RCHY1: variants seen among roughly 807,000 people sequenced by gnomAD.
RCHY1 encodes the protein ring finger and CHY zinc finger domain containing 1.
Under a neutral mutation model 41.6 loss-of-function variants are expected in RCHY1, and 21 were observed. The ratio of observed to expected loss-of-function variants is 0.51; its 90% CI spans 0.36 to 0.73. The LOEUF (loss-of-function observed/expected upper bound fraction) is 0.73, where lower values mean the gene tolerates loss of function less well. Among genes scored for constraint, RCHY1 ranks in the 30% least tolerant of loss-of-function variants. The probability of loss-of-function intolerance (pLI) is 0.00; values close to 1 mark genes in which losing one functional copy is unlikely to be tolerated. For missense variants in RCHY1, 265 were observed against 325.3 expected (o/e 0.81, Z 1.43); for synonymous variants, 79 against 102.9 (o/e 0.77, Z 1.41).
intron 3 of RCHY1, among the ~76,000 whole-genome samples, chr4:75,497,986 T>C (rs1178602143): frequency 6.8e-6 from 1 of 146,300 alleles, no homozygotes; most frequent in Admixed American, 6.8e-5. Context: ...AACTCAAAAT[T>C]GGTAAAAGGA....
rs371992356 is a variant in RCHY1, at chr4:75,514,255, C to T, written c.32G>A (p.Ser11Asn). 1.6e-5 allele frequency: 26 copies of T among 1,612,782 alleles called. No homozygotes were observed. Among genetic ancestry groups the T allele is most frequent in the African/African-American group, 2.7e-5 (2 of 74,912 alleles). Residue 11 changes from serine (S) to asparagine (N), a missense_variant, in exon 1 of 9, where the codon AGC becomes AAC. Coordinates refer to ENST00000324439, the MANE Select transcript of RCHY1 (RefSeq NM_015436.4). ...GCCCCGCTGACCTCGCTCTTGACCG[C>T]TGGCGCCATCTTCCCGGGCCGTCGC... MAATAREDGA[S>N]GQERGQRGCE...
At chr4:75,497,274 C>A (rs147566005) in intron 3 of RCHY1, among the ~76,000 whole-genome samples, 59 of 152,238 alleles carry the variant, frequency 3.9e-4, no homozygotes, top group Non-Finnish European at 5.1e-4. Context: ...TTAAGATCGT[C>A]CTAAAAGGCT....
chr4:75,505,005 G>A (rs564798695), intron 3 of RCHY1, among the ~76,000 whole-genome samples: 207 of 152,262 alleles, frequency 1.4e-3, no homozygotes, highest in African/African-American at 4.5e-3. Flanking sequence ...TGTATATACG[G>A]CAGCGGTCAC....
chr4:75,492,564 T>C (rs922295771), intron 4 of RCHY1, among the ~76,000 whole-genome samples: 3 of 151,906 alleles, frequency 2.0e-5, no homozygotes, highest in African/African-American at 7.2e-5. Context: ...TGACAAGATG[T>C]AATGTCTGAT....
intron 3 of RCHY1, among the ~76,000 whole-genome samples, chr4:75,498,423 A>G (rs1723423091): frequency 2.0e-5 from 3 of 151,426 alleles, no homozygotes. Context: ...GAAAGAAAAG[A>G]AATCCTAAAA....
In RCHY1 at chr4:75,495,425, G is replaced by A. The variant is rs1056109511; in HGVS notation, c.327-1246C>T. Among the ~76,000 whole-genome samples the A allele has an allele frequency of 2.0e-5, 3 of 151,912 alleles. No homozygotes were observed. The East Asian group carries it at 5.8e-4, about 29-fold the overall frequency. On this transcript the variant is annotated intron_variant, in intron 3 of 8. Coordinates refer to ENST00000324439, the MANE Select transcript of RCHY1 (RefSeq NM_015436.4). ...TCTCCACTTCTTCTACAATGATAGG[G>A]TATTTAGCTAGGCACTGAGCTATTC...
At position 75,482,598 on chromosome 4, in the gene RCHY1, A is replaced by C; in HGVS notation, c.726T>G (p.Ile242Met). The C allele has an allele frequency of 6.2e-7, 1 of 1,612,792 alleles. No individual in the cohort carries two copies. ...CTTGAGCAGTATTATAGGATTCACAAATCTTACATTTCATGCCTAATATAT... is the reference window on the plus strand; with the variant it reads ...CTTGAGCAGTATTATAGGATTCACACATCTTACATTTCATGCCTAATATAT... ...QFHILGMKCK[I>M]CESYNTAQAG... The change falls in exon 9 of 9, where the codon ATT (isoleucine) becomes ATG (methionine). Residue 242 changes from isoleucine to methionine, a missense_variant. By Grantham distance (10) the Ile-to-Met change is conservative. Transcript: ENST00000324439.
rs991661638 is a variant in RCHY1 at position 75,481,074 on chromosome 4, A to G, written c.*1464T>C. The G allele has an allele frequency of 2.6e-5, 4 of 152,298 alleles. No homozygotes were observed. Among genetic ancestry groups the G allele is most frequent in the African/African-American group, 9.6e-5 (4 of 41,464 alleles). The allele number at this position is 152,298 out of a possible 1,614,324, so 9.4% of individuals were successfully genotyped here. ...CCCAGGAACATCCTTTCCCAAATGA[A>G]GATCAGCACTGCTGCTCTGGCCAGG... On this transcript the variant is annotated 3_prime_UTR_variant, in exon 9 of 9. Coordinates refer to ENST00000324439, the MANE Select transcript of RCHY1 (RefSeq NM_015436.4).
At chr4:75,499,926 T>C (rs1355375609) in intron 3 of RCHY1, among the ~76,000 whole-genome samples, 1 of 152,310 alleles carries the variant, frequency 6.6e-6, no homozygotes, top group Non-Finnish European at 1.5e-5. Flanking sequence ...AGAGAATTAA[T>C]TCAAATGTTT....
At chr4:75,508,245 T>C (rs1463439587) in intron 3 of RCHY1, among the ~76,000 whole-genome samples, 2 of 152,250 alleles carry the variant, frequency 1.3e-5, no homozygotes, top group African/African-American at 2.4e-5. Flanking sequence ...CGGTGGCTTA[T>C]TCACTGTACT....
chr4:75,508,128 T>C (rs1320499306), intron 3 of RCHY1, among the ~76,000 whole-genome samples: 1 of 151,998 alleles, frequency 6.6e-6, no homozygotes, highest in Non-Finnish European at 1.5e-5. Context: ...AAGAAAGTGA[T>C]TTAAAATATT....
chr4:75,487,592 A>AATATATATTCATATATATTCATT (rs1722210231), intron 8 of RCHY1, among the ~76,000 whole-genome samples: 4 of 55,560 alleles, frequency 7.2e-5, no homozygotes, highest in Non-Finnish European at 1.2e-4. Context: ...ATATATTCAT[A>AATATATATTCATATATATTCATT]ATATATATTC....
chr4:75,483,764 T>C (rs886911692), intron 8 of RCHY1, among the ~76,000 whole-genome samples: 3 of 152,138 alleles, frequency 2.0e-5, no homozygotes, highest in Non-Finnish European at 2.9e-5. Flanking sequence ...AAACAAAAAA[T>C]AATTTTCATT....
intron 8 of RCHY1, among the ~76,000 whole-genome samples, chr4:75,485,547 C>G (rs1444063320): frequency 6.6e-6 from 1 of 152,110 alleles, no homozygotes; most frequent in Non-Finnish European, 1.5e-5. Context: ...TTACTCACAC[C>G]ATTTTTTCCT....
intron 8 of RCHY1, among the ~76,000 whole-genome samples, chr4:75,486,041 A>G (rs529739452): frequency 2.0e-4 from 30 of 152,136 alleles, no homozygotes; most frequent in Non-Finnish European, 3.5e-4. Flanking sequence ...TGTAGCTACA[A>G]AGCAGAATCA....
In RCHY1 at chr4:75,480,158, C is replaced by CT. The variant is rs1261079965; in HGVS notation, c.*2379dup. 4 of 152,234 alleles carry CT rather than the reference C, an allele frequency of 2.6e-5. No homozygotes were observed. In the East Asian group the frequency reaches 7.7e-4, roughly 29 times the overall value. 9.4% of individuals were successfully genotyped at this position (152,234 alleles called of 1,614,324 possible). A position where few individuals can be genotyped will look rare whatever the true frequency, so the allele number is the denominator to read the frequency against. ...AACCCTGGGTACCGAAGCCTAGAGA[C>CT]TTTGAGTACATTTGAAAATTGCTTT... is the stretch of plus-strand genomic sequence containing the variant. On this transcript the variant is annotated 3_prime_UTR_variant, in exon 9 of 9. Transcript: ENST00000324439.
intron 8 of RCHY1, among the ~76,000 whole-genome samples, chr4:75,484,772 T>A (rs1486586296): frequency 6.6e-6 from 1 of 152,014 alleles, no homozygotes; most frequent in Non-Finnish European, 1.5e-5. Flanking sequence ...AAAACCTTAC[T>A]AAAAGTAATT....
intron 1 of RCHY1, among the ~76,000 whole-genome samples, chr4:75,510,175 G>A (rs1724729988): frequency 6.6e-6 from 1 of 151,956 alleles, no homozygotes; most frequent in Non-Finnish European, 1.5e-5. Flanking sequence ...CTCCTTCCTG[G>A]GCACAATTGT....
At chr4:75,500,791 T>A (rs188764183) in intron 3 of RCHY1, among the ~76,000 whole-genome samples, 31 of 152,162 alleles carry the variant, frequency 2.0e-4, no homozygotes, top group African/African-American at 7.0e-4. Context: ...ACTTTCATGA[T>A]ATACCTAAGA....
Sources: gnomAD v4.1 joint callset for allele counts (sites outside exome capture counted in the v4.1 genomes callset) on GRCh38, gnomAD v4.1.1 for gene constraint, MANE v1.5 for transcripts, NCBI Gene and HGNC (gene_info 2026-07-23, HGNC 2026-07-21) for gene names.